Variants in CNTNAP2 observed in about 807,000 individuals in gnomAD.
The protein encoded by CNTNAP2 is contactin associated protein 2.
A neutral mutation model predicts 155.2 loss-of-function variants in CNTNAP2; 98 were observed. The observed-to-expected ratio is 0.63, with a 90% CI of 0.54 to 0.75. CNTNAP2 has a LOEUF of 0.75. CNTNAP2 is among the 30% of genes least tolerant of loss of function. The pLI is 0.00. For missense variants in CNTNAP2, 1,727 were observed against 1,688.1 expected (o/e 1.02, Z -0.40); for synonymous variants, 651 against 631.2 (o/e 1.03, Z -0.47).
At chr7:146,512,424 T>C (rs1366913099) in intron 1 of CNTNAP2, among the ~76,000 whole-genome samples, 2 of 151,934 alleles carry the variant, frequency 1.3e-5, no homozygotes, top group African/African-American at 4.8e-5. Flanking sequence ...TAGATGTTCA[T>C]TGCTATAAAT....
intron 21 of CNTNAP2, among the ~76,000 whole-genome samples, chr7:148,327,195 G>A (rs756516928): frequency 2.0e-5 from 3 of 152,160 alleles, no homozygotes; most frequent in African/African-American, 2.4e-5. Flanking sequence ...GCAGTGGCCC[G>A]TGGGCAGCTA....
intron 11 of CNTNAP2, among the ~76,000 whole-genome samples, chr7:147,553,750 G>T (rs2116770039): frequency 6.6e-6 from 1 of 152,144 alleles, no homozygotes; most frequent in East Asian, 1.9e-4. Flanking sequence ...CACTTTGGGA[G>T]GGCCAAGGTC....
chr7:147,371,909 G>T (rs1031771293), intron 9 of CNTNAP2, among the ~76,000 whole-genome samples: 1 of 152,094 alleles, frequency 6.6e-6, no homozygotes, highest in Admixed American at 6.6e-5. Context: ...ACAATGGTAT[G>T]TTGTAATGTT....
chr7:146,237,384 T>C (rs2116922759), intron 1 of CNTNAP2, among the ~76,000 whole-genome samples: 1 of 152,352 alleles, frequency 6.6e-6, no homozygotes, highest in African/African-American at 2.4e-5. Context: ...CTGAGTTTCT[T>C]GCTAATTTCA....
At chr7:147,438,477 A>AT (rs144129566) in intron 10 of CNTNAP2, among the ~76,000 whole-genome samples, 3,155 of 147,284 alleles carry the variant, frequency 0.021, 110 homozygotes, top group African/African-American at 0.07. Flanking sequence ...ATGGTGAATT[A>AT]TTTTTTTTTT....
chr7:147,863,865 C>T (rs1336436840), intron 13 of CNTNAP2, among the ~76,000 whole-genome samples: 1 of 151,996 alleles, frequency 6.6e-6, no homozygotes, highest in Admixed American at 6.6e-5. Context: ...AATTTTCTCC[C>T]ATTCTGTAGG....
chr7:147,794,167 T>C (rs1797858458), intron 13 of CNTNAP2, among the ~76,000 whole-genome samples: 1 of 152,022 alleles, frequency 6.6e-6, no homozygotes, highest in Non-Finnish European at 1.5e-5. Context: ...CTAATTGCCA[T>C]GACTAGAACC....
At chr7:147,550,691 G>C (rs947321524) in intron 11 of CNTNAP2, among the ~76,000 whole-genome samples, 21 of 152,104 alleles carry the variant, frequency 1.4e-4, no homozygotes, top group African/African-American at 5.1e-4. Flanking sequence ...CTTTGCCTCT[G>C]GCCACTGAGG....
intron 3 of CNTNAP2, 149 bp downstream of exon 3, chr7:146,840,053 T>G: frequency 1.0e-6 from 1 of 963,008 alleles, no homozygotes; most frequent in Non-Finnish European, 1.6e-6. Flanking sequence ...TGGAAGAAAG[T>G]TTCTTCAGGC....
chr7:146,274,186 G>T (rs1210989551), intron 1 of CNTNAP2, among the ~76,000 whole-genome samples: 2 of 152,134 alleles, frequency 1.3e-5, no homozygotes, highest in Non-Finnish European at 2.9e-5. Context: ...GCCTGAAGGG[G>T]CAAAATCAAG....
At chr7:147,643,254 C>T (rs1403961436) in intron 13 of CNTNAP2, 3 of 152,122 alleles carry the variant, frequency 2.0e-5, no homozygotes, top group African/African-American at 7.2e-5. Context: ...ACATAGTTAC[C>T]TCCTTCAGCT....
chr7:147,575,997 C>T (rs899973179), intron 12 of CNTNAP2, among the ~76,000 whole-genome samples: 1 of 151,992 alleles, frequency 6.6e-6, no homozygotes, highest in African/African-American at 2.4e-5. Context: ...TGGATGACAT[C>T]CTGTATCATT....
In CNTNAP2 at chr7:146,721,391, C is replaced by CTA. The variant is rs1229042586; in HGVS notation, c.98-52875_98-52874dup. 1.1e-3 allele frequency among the ~76,000 whole-genome samples: 133 copies of CTA among 118,722 alleles called. 5 individuals carry two copies. Among genetic ancestry groups the CTA allele is most frequent in the African/African-American group, 4.0e-3 (107 of 26,890 alleles). The allele number at this position is 118,722 out of a possible 152,430, so 77.9% of individuals were successfully genotyped here. ...TCTATATATACATTCTATATACATT[C>CTA]TATATACATTCTATATATATTCTAT... On this transcript the variant is annotated intron_variant, in intron 1 of 23. Transcript: ENST00000361727.
intron 1 of CNTNAP2, among the ~76,000 whole-genome samples, chr7:146,672,934 G>A (rs539686934): frequency 1.5e-4 from 23 of 152,034 alleles, no homozygotes; most frequent in African/African-American, 5.5e-4. Flanking sequence ...ATGTATTAAG[G>A]CAATAAATGT....
intron 3 of CNTNAP2, among the ~76,000 whole-genome samples, chr7:146,878,332 C>CTT (rs748164523): frequency 2.1e-5 from 3 of 145,458 alleles, no homozygotes; most frequent in Non-Finnish European, 3.0e-5. Flanking sequence ...GATGTATTAT[C>CTT]TTTTTTTTTT....
At chr7:147,059,579 A>G (rs1475422988) in intron 4 of CNTNAP2, among the ~76,000 whole-genome samples, 1 of 152,108 alleles carries the variant, frequency 6.6e-6, no homozygotes, top group African/African-American at 2.4e-5. Context: ...TGGTTTGGTT[A>G]ACTAAACAAC....
At chr7:147,768,040 A>G (rs752477579) in intron 13 of CNTNAP2, among the ~76,000 whole-genome samples, 12 of 152,090 alleles carry the variant, frequency 7.9e-5, no homozygotes, top group Non-Finnish European at 1.5e-4. Context: ...CAGTGAGGAA[A>G]CAATGCTTTC....
At chr7:148,270,731 T>C (rs990139123) in intron 21 of CNTNAP2, among the ~76,000 whole-genome samples, 1 of 152,226 alleles carries the variant, frequency 6.6e-6, no homozygotes. Flanking sequence ...TCTCACAGCC[T>C]AAAAGTAGGC....
At chr7:146,706,972 A>G (rs1339937920) in intron 1 of CNTNAP2, among the ~76,000 whole-genome samples, 1 of 152,162 alleles carries the variant, frequency 6.6e-6, no homozygotes, top group Non-Finnish European at 1.5e-5. Context: ...TGAAGTACAG[A>G]CTTGCAAAAA....
Sources: gnomAD v4.1 joint callset for allele counts (sites outside exome capture counted in the v4.1 genomes callset) on GRCh38, gnomAD v4.1.1 for gene constraint, MANE v1.5 for transcripts, NCBI Gene and HGNC (gene_info 2026-07-23, HGNC 2026-07-21) for gene names.